The following NCOA1 variants were observed in gnomAD, a reference collection of about 807,000 sequenced individuals.
NCOA1 encodes nuclear receptor coactivator 1.
Under a neutral mutation model 150.9 loss-of-function variants are expected in NCOA1, and 35 were observed. The ratio of observed to expected loss-of-function variants is 0.23; its 90% confidence interval spans 0.18 to 0.31. NCOA1 has a LOEUF of 0.31. Ranked by LOEUF, NCOA1 falls within the 10% of genes least tolerant of loss-of-function variation. NCOA1 has a pLI of 1.00. For missense variants in NCOA1, 1,491 were observed against 1,749.3 expected, an observed-to-expected ratio of 0.85 and a Z score of 2.63; for synonymous variants, 590 against 630.0, an observed-to-expected ratio of 0.94 and a Z score of 0.95.
intron 14 of NCOA1, among the ~76,000 whole-genome samples, chr2:24,722,540 A>G (rs1442924677): frequency 2.0e-5 from 3 of 152,130 alleles, no homozygotes; most frequent in Non-Finnish European, 4.4e-5. Flanking sequence ...GAGGAAACTT[A>G]TTTTCTTGAA....
chr2:24,624,326 T>A (rs1323668496), intron 3 of NCOA1, among the ~76,000 whole-genome samples: 3 of 152,224 alleles, frequency 2.0e-5, no homozygotes. Context: ...GAACTGATGA[T>A]CTATGGGAAA....
At chr2:24,601,643 C>A (rs1410716036) in intron 3 of NCOA1, among the ~76,000 whole-genome samples, 1 of 130,056 alleles carries the variant, frequency 7.7e-6, no homozygotes, top group African/African-American at 2.8e-5. Context: ...TTTCTTTCTT[C>A]TTTTTTTGAG....
intron 2 of NCOA1, among the ~76,000 whole-genome samples, chr2:24,568,841 G>A (rs1334274191): frequency 1.3e-5 from 2 of 152,226 alleles, no homozygotes; most frequent in East Asian, 1.9e-4. Context: ...TCAGCTGGAT[G>A]AAAGCACTGA....
At chr2:24,506,918 C>T (rs1663720486) in intron 1 of NCOA1, among the ~76,000 whole-genome samples, 1 of 152,084 alleles carries the variant, frequency 6.6e-6, no homozygotes, top group South Asian at 2.1e-4. Flanking sequence ...CAGAATTGTT[C>T]TTTGGTGTAA....
chr2:24,560,130 G>T (rs1666240068), intron 1 of NCOA1, among the ~76,000 whole-genome samples: 1 of 152,144 alleles, frequency 6.6e-6, no homozygotes, highest in African/African-American at 2.4e-5. Flanking sequence ...GGAAAATCTT[G>T]CAACTGAGAG....
Position 24,770,028 on chromosome 2 carries a change from C to G in NCOA1, c.*1637C>G, listed in dbSNP as rs931724836. 3 of 228,330 alleles carry G rather than the reference C, an allele frequency of 1.3e-5. No individual in the cohort carries two copies. Among genetic ancestry groups the G allele is most frequent in the African/African-American group, 6.7e-5 (3 of 45,022 alleles). The allele number at this position is 228,330 out of a possible 1,614,324, so 14.1% of individuals were successfully genotyped here. ...TTCTGCATCTCACCACCCCTAGTTA[C>G]AAATAACTCCATTGAACAGCATCTA... On this transcript the variant is annotated 3_prime_UTR_variant, in exon 23 of 23. Coordinates refer to ENST00000348332, the MANE Select transcript of NCOA1 (RefSeq NM_003743.5).
intron 1 of NCOA1, among the ~76,000 whole-genome samples, chr2:24,516,924 G>T (rs1457614589): frequency 2.4e-5 from 1 of 41,356 alleles, no homozygotes; most frequent in Non-Finnish European, 7.1e-5. Flanking sequence ...GTGTGTGTGC[G>T]CGCGTGTGTA....
chr2:24,743,935 A>T (rs1438361272), intron 19 of NCOA1, among the ~76,000 whole-genome samples: 1 of 152,190 alleles, frequency 6.6e-6, no homozygotes, highest in Non-Finnish European at 1.5e-5. Flanking sequence ...ATTTTCAGGC[A>T]TGTACTTTTA....
intron 11 of NCOA1, among the ~76,000 whole-genome samples, chr2:24,700,211 G>C (rs1383501890): frequency 6.6e-6 from 1 of 150,930 alleles, no homozygotes; most frequent in East Asian, 1.9e-4. Context: ...ACAATCATTG[G>C]TCCATCAAGA....
At chr2:24,766,859 A>G (rs1665091292) in intron 22 of NCOA1, among the ~76,000 whole-genome samples, 2 of 152,240 alleles carry the variant, frequency 1.3e-5, no homozygotes, top group South Asian at 2.1e-4. Flanking sequence ...TTGGTGTGTT[A>G]TAGACACAAG....
chr2:24,648,188 A>G (rs887948627), intron 4 of NCOA1, among the ~76,000 whole-genome samples: 2 of 152,204 alleles, frequency 1.3e-5, no homozygotes, highest in African/African-American at 4.8e-5. Context: ...ATATAAATGA[A>G]TCAAGTAAGA....
At chr2:24,537,143 C>T (rs1018913513) in intron 1 of NCOA1, among the ~76,000 whole-genome samples, 4 of 151,976 alleles carry the variant, frequency 2.6e-5, no homozygotes, top group Non-Finnish European at 5.9e-5. Flanking sequence ...GATATCTGGA[C>T]TCCCATGTTC....
At chr2:24,701,616 CT>C (rs1166387924) in intron 11 of NCOA1, among the ~76,000 whole-genome samples, 2 of 151,822 alleles carry the variant, frequency 1.3e-5, no homozygotes, top group Non-Finnish European at 2.9e-5. Flanking sequence ...AAAATTTTAA[CT>C]GTTTATCTCT....
chr2:24,623,537 A>G (rs1459243852), intron 3 of NCOA1, among the ~76,000 whole-genome samples: 1 of 152,196 alleles, frequency 6.6e-6, no homozygotes, highest in Non-Finnish European at 1.5e-5. Context: ...AGAAATATGT[A>G]TCTAGGGCAA....
At chr2:24,546,828 T>C (rs780840147) in intron 1 of NCOA1, among the ~76,000 whole-genome samples, 6 of 152,228 alleles carry the variant, frequency 3.9e-5, no homozygotes, top group Non-Finnish European at 7.3e-5. Flanking sequence ...CTGACACTTT[T>C]GTATGCCTCC....
chr2:24,730,933 G>A (rs944100911), intron 17 of NCOA1, among the ~76,000 whole-genome samples: 3 of 150,532 alleles, frequency 2.0e-5, no homozygotes, highest in Non-Finnish European at 4.4e-5. Context: ...AGCTACTCTG[G>A]AGGTTGAGGC....
intron 3 of NCOA1, among the ~76,000 whole-genome samples, chr2:24,594,379 G>A (rs918255573): frequency 5.9e-5 from 9 of 152,074 alleles, no homozygotes; most frequent in Admixed American, 3.9e-4. Flanking sequence ...CCTGATGGGG[G>A]TATTGCTGTC....
intron 3 of NCOA1, among the ~76,000 whole-genome samples, chr2:24,623,966 G>A (rs187188512): frequency 9.7e-4 from 148 of 152,238 alleles, no homozygotes; most frequent in Admixed American, 3.5e-3. Context: ...CTATAACAGA[G>A]CCCCTAAGAC....
intron 3 of NCOA1, among the ~76,000 whole-genome samples, chr2:24,618,614 A>G (rs1482278081): frequency 1.3e-5 from 2 of 152,154 alleles, no homozygotes; most frequent in Non-Finnish European, 2.9e-5. Context: ...AGGGTGGGAG[A>G]GAAAATATGA....
Sources: allele counts gnomAD v4.1 joint callset (sites outside exome capture counted in the v4.1 genomes callset), GRCh38; gene constraint gnomAD v4.1.1; transcripts MANE v1.5; gene names NCBI Gene and HGNC (gene_info 2026-07-23, HGNC 2026-07-21).